AP3M1: variants seen among roughly 807,000 people sequenced by gnomAD.
AP3M1 encodes adaptor related protein complex 3 subunit mu 1.
A neutral mutation model predicts 42.6 loss-of-function variants in AP3M1; 29 were observed. The ratio of observed to expected loss-of-function variants is 0.68; its 90% confidence interval spans 0.51 to 0.93. The LOEUF (loss-of-function observed/expected upper bound fraction) is 0.93, where lower values mean the gene tolerates loss of function less well. Ranked by LOEUF, AP3M1 falls within the 40% of genes least tolerant of loss-of-function variation. The probability of loss-of-function intolerance (pLI) is 0.00; values close to 1 mark genes in which losing one functional copy is unlikely to be tolerated. For synonymous variants in AP3M1, 178 were observed against 175.3 expected (o/e 1.02, Z -0.12); for missense variants, 416 against 510.2 (o/e 0.82, Z 1.78).
intron 1 of AP3M1, among the ~76,000 whole-genome samples, chr10:74,141,098 T>C (rs1841131810): frequency 6.6e-6 from 1 of 152,116 alleles, no homozygotes; most frequent in African/African-American, 2.4e-5. Context: ...AGTAAATATT[T>C]GAAACCATAT....
At chr10:74,128,129 A>T (rs1056045044) in intron 6 of AP3M1, among the ~76,000 whole-genome samples, 1 of 141,192 alleles carries the variant, frequency 7.1e-6, no homozygotes, top group Non-Finnish European at 1.5e-5. Flanking sequence ...AAAAAAGGAA[A>T]AGAAAAGAGC....
intron 5 of AP3M1, 79 bp from the exon 6 acceptor site, chr10:74,129,320 T>C: frequency 6.9e-7 from 1 of 1,458,936 alleles, no homozygotes; most frequent in Admixed American, 2.1e-5. Flanking sequence ...GACAAATATG[T>C]TCCCTGAAGA....
At chr10:74,125,408 A>C (rs754669881) in intron 7 of AP3M1, among the ~76,000 whole-genome samples, 1 of 152,276 alleles carries the variant, frequency 6.6e-6, no homozygotes, top group Admixed American at 6.5e-5. Context: ...AAGAAAGCAA[A>C]GCTGTCATAG....
Position 74,134,079 on chromosome 10 carries a change from A to G in AP3M1, c.531T>C (p.Asn177=). 1.2e-6 allele frequency: 2 copies of G among 1,614,136 alleles called. No individual in the cohort carries two copies. The highest frequency in any genetic ancestry group is 1.7e-6 in the Non-Finnish European group (2 of 1,180,000). ...WRRAGVKYTN[N]EAYFDVVEEI... ...CTTCAACAACATCAAAATAGGCTTC[A>G]TTGTTTGTGTACTTTACCCCTGCCC... is the stretch of plus-strand genomic sequence containing the variant. Residue 177 remains asparagine, a synonymous_variant, in exon 4 of 9, where the codon AAT becomes AAC. Coordinates refer to ENST00000355264, the MANE Select transcript of AP3M1 (RefSeq NM_012095.6).
chr10:74,149,368 C>T (rs1398841782), intron 1 of AP3M1, among the ~76,000 whole-genome samples: 1 of 140,702 alleles, frequency 7.1e-6, no homozygotes, highest in Non-Finnish European at 1.5e-5. Context: ...CAGCTTACTG[C>T]AACTTCCGCC....
intron 1 of AP3M1, among the ~76,000 whole-genome samples, chr10:74,138,638 G>T (rs1039020414): frequency 7.3e-6 from 1 of 136,658 alleles, no homozygotes; most frequent in African/African-American, 2.7e-5. Flanking sequence ...AGAACAAAAA[G>T]AAACTTCCTC....
intron 7 of AP3M1, 30 bp from the exon 8 acceptor site, chr10:74,124,554 A>G (rs1178046025): frequency 1.3e-6 from 2 of 1,552,976 alleles, no homozygotes; most frequent in Non-Finnish European, 1.7e-6. Flanking sequence ...AAAAACAAAT[A>G]GAACCATTTA....
In AP3M1 at chr10:74,122,328, A is replaced by G. The variant is rs1840490883; in HGVS notation, c.*1482T>C. On this transcript the variant is annotated 3_prime_UTR_variant, in exon 9 of 9. Transcript: ENST00000355264. ...TAAGGGCTATCCTTAGCATAAGGGA[A>G]AGACGGTTATAAGCTGAGAAGATTG... is the stretch of plus-strand genomic sequence containing the variant. The G allele has an allele frequency of 1.3e-5, 2 of 152,188 alleles. No homozygotes were observed. The highest frequency in any genetic ancestry group is 4.1e-4 in the South Asian group (2 of 4,828). The allele number at this position is 152,188 out of a possible 1,614,324, so 9.4% of individuals were successfully genotyped here. A position where few individuals can be genotyped will look rare whatever the true frequency, so the allele number is the denominator to read the frequency against.
At position 74,138,163 on chromosome 10, in the gene AP3M1, C is replaced by T. The variant is rs1210608288; in HGVS notation, c.217G>A (p.Glu73Lys). The T allele has an allele frequency of 1.2e-6, 2 of 1,614,088 alleles. No homozygotes were observed. Among genetic ancestry groups the T allele is most frequent in the South Asian group, 1.1e-5 (1 of 91,074 alleles). Residue 73 changes from glutamate to lysine, a missense_variant, in exon 2 of 9, where the codon GAA becomes AAA. By Grantham distance (56) the Glu-to-Lys change is moderately conservative (BLOSUM62 1). Coordinates refer to ENST00000355264, the MANE Select transcript of AP3M1 (RefSeq NM_012095.6). ...TCAATTACAAAGAGAGGTGGCACTT[C>T]GGTCTGTATGACAGATACAAAGAAG... ...KLFFVSVIQT[E>K]VPPLFVIEFL...
Position 74,120,704 on chromosome 10 carries a change from G to C in AP3M1, c.*3106C>G, listed in dbSNP as rs1237682858. ...GGCTAATTTTTGTATTTTTAGTAGA[G>C]ATGGAGTTTCACCATGTTGGCCAGG... On this transcript the variant is annotated 3_prime_UTR_variant, in exon 9 of 9. Transcript: ENST00000355264. The C allele has an allele frequency of 1.3e-5, 2 of 152,278 alleles. No homozygotes were observed. Among genetic ancestry groups the C allele is most frequent in the Non-Finnish European group, 2.9e-5 (2 of 68,146 alleles). The allele number at this position is 152,278 out of a possible 1,614,324, so 9.4% of individuals were successfully genotyped here.
intron 2 of AP3M1, 134 bp from the exon 3 acceptor site, chr10:74,136,937 C>T (rs181111412): frequency 3.0e-5 from 17 of 558,924 alleles, no homozygotes; most frequent in East Asian, 1.1e-4. Flanking sequence ...TAAAACAGAG[C>T]GGGGGAAAAA....
intron 1 of AP3M1, among the ~76,000 whole-genome samples, chr10:74,141,396 A>T (rs1055836692): frequency 3.7e-4 from 56 of 152,204 alleles, no homozygotes; most frequent in African/African-American, 1.4e-3. Flanking sequence ...ACTGCACCCT[A>T]GCCTGGGTGA....
At position 74,128,873 on chromosome 10, in the gene AP3M1, T is replaced by C. The variant is rs114441758; in HGVS notation, c.803+235A>G. On this transcript the variant is annotated intron_variant, in intron 6 of 8. Transcript: ENST00000355264. ...GCCCAGGTTATGTATGGTTTGCTTG[T>C]TCTTGGCTATAGATTTTACTCTAGT... 2,638 of 414,718 alleles carry C rather than the reference T, an allele frequency of 6.4e-3. 69 individuals are homozygous for C. Among genetic ancestry groups the C allele is most frequent in the African/African-American group, 0.048 (2,369 of 49,304 alleles). 25.7% of individuals were successfully genotyped at this position (414,718 alleles called of 1,614,324 possible).
chr10:74,138,048 T>C, intron 2 of AP3M1, 59 bp downstream of exon 2: 1 of 1,519,840 alleles, frequency 6.6e-7, no homozygotes, highest in Non-Finnish European at 8.9e-7. Flanking sequence ...AATATAATCA[T>C]GTCTCACCTT....
At chr10:74,136,580 G>C in intron 3 of AP3M1, 52 bp downstream of exon 3, 1 of 1,350,748 alleles carries the variant, frequency 7.4e-7, no homozygotes, top group South Asian at 1.9e-5. Context: ...ATAATGAGTT[G>C]TTTACAAAGT....
chr10:74,127,317 C>G (rs1840647674), intron 6 of AP3M1, among the ~76,000 whole-genome samples: 1 of 151,948 alleles, frequency 6.6e-6, no homozygotes, highest in Admixed American at 6.6e-5. Flanking sequence ...GTATACAAAT[C>G]AAGACAGAAA....
chr10:74,136,262 G>A (rs1235331987), intron 3 of AP3M1, among the ~76,000 whole-genome samples: 1 of 152,098 alleles, frequency 6.6e-6, no homozygotes, highest in African/African-American at 2.4e-5. Flanking sequence ...GTTATGTAAT[G>A]CTATTTTAAA....
chr10:74,131,403 G>A (rs547717430), intron 4 of AP3M1, among the ~76,000 whole-genome samples: 30 of 152,096 alleles, frequency 2.0e-4, no homozygotes, highest in Middle Eastern at 3.4e-3. Flanking sequence ...TCCTAACCTC[G>A]TGATCCACCC....
rs746895566 is a variant in AP3M1, at chr10:74,134,150, C to G, written c.460G>C (p.Gly154Arg). The G allele has an allele frequency of 6.2e-7, 1 of 1,613,668 alleles. No homozygotes were observed. Among genetic ancestry groups the G allele is most frequent in the South Asian group, 1.1e-5 (1 of 91,030 alleles). ...AGCTGCCCGGTGGGGAGTGTGTCCC[C>G]AACATTACTACTGCCTAGAAACCAA... is the stretch of plus-strand genomic sequence containing the variant. Reference protein sequence around the residue: ...VNSITGSSNVGDTLPTGQLSN... With the variant: ...VNSITGSSNVRDTLPTGQLSN... The change falls in exon 4 of 9, where the codon GGG (glycine) becomes CGG (arginine). Residue 154 changes from glycine to arginine, a missense_variant. Physicochemically the swap from Gly to Arg is moderately radical, Grantham distance 125. Transcript: ENST00000355264.
Sources: gnomAD v4.1 joint callset for allele counts (sites outside exome capture counted in the v4.1 genomes callset) on GRCh38, gnomAD v4.1.1 for gene constraint, MANE v1.5 for transcripts, NCBI Gene and HGNC (gene_info 2026-07-23, HGNC 2026-07-21) for gene names.